FOXN3: variants seen among roughly 807,000 people sequenced by gnomAD.
FOXN3 encodes the protein forkhead box protein N3.
Under a neutral mutation model 38.4 loss-of-function variants are expected in FOXN3, and 7 were observed. That is an observed-to-expected ratio of 0.18 (90% CI 0.10 to 0.34). The LOEUF (loss-of-function observed/expected upper bound fraction) is 0.34. FOXN3 is among the 10% of genes least tolerant of loss of function. The pLI, the probability that FOXN3 is intolerant of heterozygous loss-of-function variation, is 1.00. For synonymous variants in FOXN3, 230 were observed against 242.2 expected, an observed-to-expected ratio of 0.95 and a Z score of 0.47; for missense variants, 456 against 613.4, an observed-to-expected ratio of 0.74 and a Z score of 2.71.
chr14:89,323,719 A>AAAACAAACAAAC (rs56120412), intron 3 of FOXN3, among the ~76,000 whole-genome samples: 1,841 of 150,750 alleles, frequency 0.012, 40 homozygotes, highest in Admixed American at 0.06. Flanking sequence ...ACTCCATCGC[A>AAAACAAACAAAC]AAACAAACAA....
At chr14:89,529,103 G>A (rs947695823) in intron 1 of FOXN3, among the ~76,000 whole-genome samples, 4 of 152,060 alleles carry the variant, frequency 2.6e-5, no homozygotes, top group African/African-American at 9.7e-5. Flanking sequence ...TGAAACTCTA[G>A]GGATCTAGGG....
intron 2 of FOXN3, among the ~76,000 whole-genome samples, chr14:89,357,377 C>T (rs935650274): frequency 2.0e-5 from 3 of 152,086 alleles, no homozygotes; most frequent in East Asian, 1.9e-4. Context: ...GAGGCTGAAG[C>T]GGGTGGATCA....
chr14:89,608,204 G>T (rs1389020614), intron 1 of FOXN3, among the ~76,000 whole-genome samples: 4 of 152,278 alleles, frequency 2.6e-5, no homozygotes, highest in African/African-American at 4.8e-5. Flanking sequence ...CATCCTGTTA[G>T]CCAGGATGGT....
chr14:89,595,948 T>C (rs1896048519), intron 1 of FOXN3, among the ~76,000 whole-genome samples: 1 of 152,226 alleles, frequency 6.6e-6, no homozygotes, highest in Admixed American at 6.5e-5. Flanking sequence ...TTTCTACATC[T>C]ATTGAGATGA....
At position 89,560,842 on chromosome 14, in the gene FOXN3, T is replaced by C. The variant is rs1397237571; in HGVS notation, c.-15+58186A>G. On this transcript the variant is annotated intron_variant, in intron 1 of 6. Coordinates refer to the FOXN3 transcript ENST00000345097. ...CTACCAGTCAGTAAACAAGCTGGCA[T>C]TGGAAACCAGGTCTCCCTTTGGTAA... Among the ~76,000 whole-genome samples, 3 of 152,302 alleles carry C rather than the reference T, an allele frequency of 2.0e-5. No homozygotes were observed. In the East Asian group the frequency reaches 5.8e-4, roughly 29 times the overall value.
intron 1 of FOXN3, among the ~76,000 whole-genome samples, chr14:89,491,711 C>G (rs149156164): frequency 1.3e-5 from 2 of 152,306 alleles, no homozygotes; most frequent in Non-Finnish European, 2.9e-5. Flanking sequence ...ATTTTACCAC[C>G]ATTTATGACT....
chr14:89,365,692 A>T (rs1212818546), intron 2 of FOXN3, among the ~76,000 whole-genome samples: 3 of 152,182 alleles, frequency 2.0e-5, no homozygotes, highest in African/African-American at 7.2e-5. Flanking sequence ...AGAAGCATTT[A>T]AAAAAACTTC....
intron 2 of FOXN3, among the ~76,000 whole-genome samples, chr14:89,371,937 G>A (rs1346612058): frequency 6.6e-6 from 1 of 151,896 alleles, no homozygotes; most frequent in Non-Finnish European, 1.5e-5. Context: ...AGTTCCCTGG[G>A]GGTAGCCTGC....
chr14:89,418,678 C>T (rs986622925), upstream of FOXN3, among the ~76,000 whole-genome samples: 1 of 152,122 alleles, frequency 6.6e-6, no homozygotes, highest in Non-Finnish European at 1.5e-5. Context: ...AGAGACAAGT[C>T]AGATGATCTT....
At chr14:89,531,182 T>C (rs542416820) in intron 1 of FOXN3, among the ~76,000 whole-genome samples, 1 of 151,178 alleles carries the variant, frequency 6.6e-6, no homozygotes, top group African/African-American at 2.4e-5. Context: ...AATGTATATG[T>C]ATGACCTTCA....
chr14:89,248,068 A>C (rs1885348904), intron 4 of FOXN3, among the ~76,000 whole-genome samples: 1 of 152,154 alleles, frequency 6.6e-6, no homozygotes, highest in East Asian at 1.9e-4. Context: ...ACCTAAAATA[A>C]CACCTTCCTC....
At chr14:89,567,495 T>G in intron 1 of FOXN3, among the ~76,000 whole-genome samples, 1 of 141,132 alleles carries the variant, frequency 7.1e-6, no homozygotes. Flanking sequence ...CTGTACTAGG[T>G]ACAAAGTGGC....
chr14:89,296,738 C>T (rs569628513), intron 3 of FOXN3, among the ~76,000 whole-genome samples: 76 of 152,304 alleles, frequency 5.0e-4, no homozygotes, highest in African/African-American at 1.6e-3. Context: ...TGGGCTCAAG[C>T]GATTCTCCTG....
At chr14:89,209,096 T>G (rs1278847152) in intron 4 of FOXN3, among the ~76,000 whole-genome samples, 1 of 152,246 alleles carries the variant, frequency 6.6e-6, no homozygotes, top group Non-Finnish European at 1.5e-5. Context: ...TCTAAAACAC[T>G]TCGGACTCAC....
At chr14:89,475,256 C>T (rs1893187819) in intron 1 of FOXN3, among the ~76,000 whole-genome samples, 1 of 152,130 alleles carries the variant, frequency 6.6e-6, no homozygotes, top group African/African-American at 2.4e-5. Context: ...ATATATAAAA[C>T]AATATTGTAA....
rs138717420 is a variant in FOXN3, at chr14:89,164,349, A to G, written c.852-1380T>C. Among the ~76,000 whole-genome samples the G allele has an allele frequency of 5.3e-5, 8 of 152,244 alleles. No homozygotes were observed. The East Asian group carries it at 1.5e-3, about 29-fold the overall frequency. On this transcript the variant is annotated intron_variant, in intron 5 of 5. Transcript: ENST00000557258. This position sits in a 1 kb window ranked among gnomAD's most constrained non-coding sequence, Gnocchi z 4.3. ...GGCTGAAGAATTTGGCAGGGATGGG[A>G]ACTGTTCTATGGCACCATGCTGGCC...
Position 89,478,197 on chromosome 14 carries a change from C to T in FOXN3, c.-14-65707G>A, listed in dbSNP as rs1486670536. Among the ~76,000 whole-genome samples, 5 of 152,144 alleles carry T rather than the reference C, an allele frequency of 3.3e-5. No homozygotes were observed. The East Asian group carries it at 7.7e-4, about 23-fold the overall frequency. ...TCCCCTCACCTCTTTCTCCCATTCT[C>T]GCCATGTGACGTGCCTGCCCCCACC... On this transcript the variant is annotated intron_variant, in intron 1 of 6. Coordinates refer to the FOXN3 transcript ENST00000345097.
chr14:89,482,241 C>CA (rs1374789766), intron 1 of FOXN3, among the ~76,000 whole-genome samples: 1 of 152,214 alleles, frequency 6.6e-6, no homozygotes, highest in Non-Finnish European at 1.5e-5. Context: ...TGAGCTCCTC[C>CA]ATACTTCCCG....
intron 1 of FOXN3, among the ~76,000 whole-genome samples, chr14:89,446,470 T>C (rs539169215): frequency 6.6e-6 from 1 of 152,296 alleles, no homozygotes; most frequent in Non-Finnish European, 1.5e-5. Context: ...ATTACAGGCA[T>C]GAGCCACTGT....
Sources: allele counts gnomAD v4.1 joint callset (sites outside exome capture counted in the v4.1 genomes callset), GRCh38; gene constraint gnomAD v4.1.1; non-coding constraint Gnocchi (gnomAD v3.1); transcripts MANE v1.5; gene names NCBI Gene and HGNC (gene_info 2026-07-23, HGNC 2026-07-21).